The following CSMD1 variants were observed in gnomAD, a reference collection of about 807,000 sequenced individuals.
CSMD1 encodes CUB and Sushi multiple domains 1, also known as CUB and sushi domain-containing protein 1.
CSMD1 carries 213 observed loss-of-function variants against 417.5 expected under a neutral mutation model. That is an observed-to-expected ratio of 0.51 (90% confidence interval 0.46 to 0.57). The LOEUF (loss-of-function observed/expected upper bound fraction) is 0.57. CSMD1 is among the 20% of genes least tolerant of loss of function. CSMD1 has a pLI of 0.00. For synonymous variants in CSMD1, 2,862 were observed against 1,736.8 expected (o/e 1.65, Z -16.11); for missense variants, 6,923 against 4,529.7 (o/e 1.53, Z -15.17).
intron 3 of CSMD1, among the ~76,000 whole-genome samples, chr8:4,181,549 G>T (rs1036898227): frequency 6.6e-6 from 1 of 152,064 alleles, no homozygotes; most frequent in African/African-American, 2.4e-5. Context: ...TTATGAATTT[G>T]TGTTTGGCCA....
intron 10 of CSMD1, among the ~76,000 whole-genome samples, chr8:3,513,820 A>T (rs902528858): frequency 6.6e-6 from 1 of 152,238 alleles, no homozygotes; most frequent in Non-Finnish European, 1.5e-5. Context: ...AGAGTACAGA[A>T]TAAGAAAACT....
chr8:4,694,082 A>G (rs1163540665), intron 1 of CSMD1, among the ~76,000 whole-genome samples: 1 of 152,152 alleles, frequency 6.6e-6, no homozygotes, highest in African/African-American at 2.4e-5. Context: ...TATTCCAAAA[A>G]AAGACAGCTT....
intron 2 of CSMD1, among the ~76,000 whole-genome samples, chr8:4,595,285 A>G (rs183022965): frequency 0.091 from 13,894 of 151,998 alleles, 1,630 homozygotes; most frequent in African/African-American, 0.28. Flanking sequence ...ATGATAAATA[A>G]AAAGGAAAGA....
intron 49 of CSMD1, among the ~76,000 whole-genome samples, chr8:3,065,303 G>GTACA (rs1812860675): frequency 6.7e-6 from 1 of 149,278 alleles, no homozygotes; most frequent in Non-Finnish European, 1.5e-5. Context: ...AGATAGATAG[G>GTACA]TAGATAGATA....
chr8:3,455,291 T>G (rs1240447641), intron 12 of CSMD1, among the ~76,000 whole-genome samples: 1 of 152,228 alleles, frequency 6.6e-6, no homozygotes, highest in Non-Finnish European at 1.5e-5. Context: ...TGTGATCATC[T>G]GAAGCCTTCT....
chr8:4,565,910 G>A (rs1481372610), intron 2 of CSMD1, among the ~76,000 whole-genome samples: 1 of 150,908 alleles, frequency 6.6e-6, no homozygotes, highest in Non-Finnish European at 1.5e-5. Context: ...TAGAAATAAT[G>A]TTTTTGTTTC....
rs555389756 is a variant in CSMD1 at position 3,623,976 on chromosome 8, AAAAAC to A, written c.1010-7184_1010-7180del. ...TGGGTGACAGAACAAAACTCCACAAAAAAACAAAACAAAACAAAAAAAAAACCTTT... is the reference window on the plus strand; with the variant it reads ...TGGGTGACAGAACAAAACTCCACAAAAAAACAAAACAAAAAAAAAACCTTT... On this transcript the variant is annotated intron_variant, in intron 7 of 69. Transcript: ENST00000635120. Among the ~76,000 whole-genome samples, 304 of 152,216 alleles carry A rather than the reference AAAAAC, an allele frequency of 2.0e-3. 2 individuals are homozygous for A. Among genetic ancestry groups the A allele is most frequent in the African/African-American group, 6.9e-3 (287 of 41,526 alleles).
chr8:3,968,874 TG>T (rs1812872953), intron 5 of CSMD1, among the ~76,000 whole-genome samples: 1 of 152,174 alleles, frequency 6.6e-6, no homozygotes, highest in Admixed American at 6.5e-5. Flanking sequence ...CATCTTTTCT[TG>T]CAAGAAAGAT....
At chr8:3,213,826 C>T (rs543397816) in intron 30 of CSMD1, among the ~76,000 whole-genome samples, 29 of 146,912 alleles carry the variant, frequency 2.0e-4, no homozygotes, top group Middle Eastern at 3.6e-3. Flanking sequence ...ATATGTGTGT[C>T]TGTGTATGTG....
At chr8:3,196,976 A>T (rs1404523739) in intron 33 of CSMD1, among the ~76,000 whole-genome samples, 2 of 152,220 alleles carry the variant, frequency 1.3e-5, no homozygotes, top group Non-Finnish European at 2.9e-5. Context: ...GGGGCACCCC[A>T]TGATGTCACT....
At chr8:3,632,398 C>T (rs765292503) in intron 7 of CSMD1, among the ~76,000 whole-genome samples, 3 of 152,262 alleles carry the variant, frequency 2.0e-5, no homozygotes, top group African/African-American at 4.8e-5. Context: ...AAATTAAAGA[C>T]TACCCCTGGG....
At chr8:3,362,531 T>C (rs559306616) in intron 20 of CSMD1, among the ~76,000 whole-genome samples, 1 of 152,340 alleles carries the variant, frequency 6.6e-6, no homozygotes, top group East Asian at 1.9e-4. Flanking sequence ...ATTTGGCTGA[T>C]TCGGAACTTC....
intron 6 of CSMD1, among the ~76,000 whole-genome samples, chr8:3,741,366 G>A (rs749248304): frequency 7.9e-5 from 12 of 152,210 alleles, no homozygotes; most frequent in South Asian, 2.1e-4. Context: ...AGGGGAGACC[G>A]AAGGGGAATG....
intron 35 of CSMD1, 84 bp from the exon 36 acceptor site, chr8:3,188,049 G>T (rs1796167115): frequency 2.6e-6 from 2 of 782,350 alleles, no homozygotes; most frequent in African/African-American, 1.8e-5. Context: ...GGTTTTTCAT[G>T]ATTAAGGTGT....
intron 21 of CSMD1, among the ~76,000 whole-genome samples, chr8:3,355,935 A>C (rs975284468): frequency 2.6e-5 from 4 of 152,212 alleles, no homozygotes; most frequent in Admixed American, 2.0e-4. Context: ...GGAATACATG[A>C]TACTATTTCT....
intron 3 of CSMD1, among the ~76,000 whole-genome samples, chr8:4,405,558 G>A (rs902928270): frequency 2.6e-5 from 4 of 152,018 alleles, no homozygotes; most frequent in Non-Finnish European, 5.9e-5. Flanking sequence ...CCATCACCAT[G>A]GATTCAGAAA....
At chr8:3,836,984 G>A (rs898769240) in intron 5 of CSMD1, among the ~76,000 whole-genome samples, 3 of 151,636 alleles carry the variant, frequency 2.0e-5, no homozygotes, top group Non-Finnish European at 4.4e-5. Context: ...ACAGAACTAA[G>A]ATCCTTAATT....
chr8:2,947,885 G>A (rs571653620), intron 68 of CSMD1, among the ~76,000 whole-genome samples: 2 of 150,766 alleles, frequency 1.3e-5, no homozygotes, highest in Admixed American at 6.6e-5. Context: ...TAATAATACT[G>A]TGGGTTGAAT....
At chr8:3,309,207 C>G (rs75511131) in intron 23 of CSMD1, among the ~76,000 whole-genome samples, 3 of 152,140 alleles carry the variant, frequency 2.0e-5, no homozygotes, top group Non-Finnish European at 4.4e-5. Flanking sequence ...CCTATCGGCA[C>G]TGCCAGGGTG....
Sources: gnomAD v4.1 joint callset for allele counts (sites outside exome capture counted in the v4.1 genomes callset) on GRCh38, gnomAD v4.1.1 for gene constraint, MANE v1.5 for transcripts, NCBI Gene and HGNC (gene_info 2026-07-23, HGNC 2026-07-21) for gene names.